The following TRDN variants were observed in gnomAD, a reference collection of about 807,000 sequenced individuals.
The protein encoded by TRDN is triadin.
TRDN carries 161 observed loss-of-function variants against 149.7 expected under a neutral mutation model. The observed-to-expected ratio is 1.08, with a 90% CI of 0.95 to 1.23. The LOEUF (loss-of-function observed/expected upper bound fraction) is 1.23. Among genes scored for constraint, TRDN ranks in the 50% most tolerant of loss-of-function variants. TRDN has a pLI of 0.00. For missense variants in TRDN, 896 were observed against 823.5 expected (o/e 1.09, Z -1.08); for synonymous variants, 294 against 250.5 (o/e 1.17, Z -1.64).
At chr6:123,346,810 C>G (rs9388229) in intron 21 of TRDN, among the ~76,000 whole-genome samples, 105,363 of 151,744 alleles carry the variant, frequency 0.69, 38,001 homozygotes, top group East Asian at 0.85. Flanking sequence ...GTGATGCAAC[C>G]ACATAGACAG....
chr6:123,630,564 A>T (rs1018723718), intron 1 of TRDN, among the ~76,000 whole-genome samples: 1 of 151,764 alleles, frequency 6.6e-6, no homozygotes, highest in Admixed American at 6.6e-5. Flanking sequence ...CATGAATTTT[A>T]AATTACAGTC....
At position 123,222,169 on chromosome 6, in the gene TRDN, T is replaced by C. The variant is rs138685766; in HGVS notation, c.2015-647A>G. ...GTTTTGGGGGTTTTTCTATAAAACA[T>C]TGAAATAATTAGAAGTTGTGAGAGA... On this transcript the variant is annotated intron_variant, in intron 39 of 40. Coordinates refer to ENST00000334268, the MANE Select transcript of TRDN (RefSeq NM_006073.4). Among the ~76,000 whole-genome samples, 110 of 151,706 alleles carry C rather than the reference T, an allele frequency of 7.3e-4. 1 individual carries two copies. Among genetic ancestry groups the C allele is most frequent in the East Asian group, 1.4e-3 (7 of 5,124 alleles).
intron 23 of TRDN, among the ~76,000 whole-genome samples, chr6:123,320,918 A>G (rs1201619253): frequency 6.6e-6 from 1 of 152,124 alleles, no homozygotes; most frequent in Non-Finnish European, 1.5e-5. Context: ...GAGCATTAAT[A>G]GAAAATGAAT....
chr6:123,425,798 A>G (rs753985633), intron 12 of TRDN, among the ~76,000 whole-genome samples: 5 of 152,048 alleles, frequency 3.3e-5, no homozygotes, highest in African/African-American at 1.2e-4. Flanking sequence ...TTAGCTGTAA[A>G]GGGGATCTGA....
intron 16 of TRDN, 121 bp from the exon 17 acceptor site, chr6:123,378,019 T>C (rs2114403623): frequency 3.2e-6 from 2 of 615,672 alleles, no homozygotes; most frequent in Non-Finnish European, 5.4e-6. Flanking sequence ...CAGCAACTAA[T>C]AATGGCTTAC....
intron 10 of TRDN, among the ~76,000 whole-genome samples, chr6:123,454,462 TGAGCTTGTATGCACTA>T (rs1775982515): frequency 6.6e-6 from 1 of 152,194 alleles, no homozygotes; most frequent in African/African-American, 2.4e-5. Context: ...ATAAAGCACA[TGAGCTTGTATGCACTA>T]GAATATACTT....
At chr6:123,507,721 G>T (rs924270297) in intron 7 of TRDN, among the ~76,000 whole-genome samples, 1 of 152,018 alleles carries the variant, frequency 6.6e-6, no homozygotes, top group Non-Finnish European at 1.5e-5. Flanking sequence ...ATTTAGGAAG[G>T]CATTTTATTC....
chr6:123,522,216 C>T (rs1004780639), intron 5 of TRDN, among the ~76,000 whole-genome samples: 60 of 152,184 alleles, frequency 3.9e-4, no homozygotes, highest in African/African-American at 1.3e-3. Context: ...ACTGTTCTGC[C>T]GCCTACCGGG....
At chr6:123,399,891 A>T (rs1170771943) in intron 12 of TRDN, among the ~76,000 whole-genome samples, 3 of 152,112 alleles carry the variant, frequency 2.0e-5, no homozygotes, top group African/African-American at 7.2e-5. Context: ...TCTGACCAAC[A>T]AATTGGAATG....
chr6:123,386,592 A>G (rs1241550883), intron 14 of TRDN, among the ~76,000 whole-genome samples: 1 of 152,164 alleles, frequency 6.6e-6, no homozygotes, highest in Non-Finnish European at 1.5e-5. Flanking sequence ...AGGCTTGTAA[A>G]GACCTGCTGT....
chr6:123,223,233 T>A (rs2114502721), intron 39 of TRDN, among the ~76,000 whole-genome samples: 1 of 151,664 alleles, frequency 6.6e-6, no homozygotes, highest in African/African-American at 2.4e-5. Context: ...GGGAGCTAAA[T>A]AATGAGAAAA....
chr6:123,474,852 T>A (rs367698165), intron 9 of TRDN, among the ~76,000 whole-genome samples: 5 of 151,766 alleles, frequency 3.3e-5, no homozygotes, highest in African/African-American at 9.7e-5. Flanking sequence ...ATGAAGGCAG[T>A]AATAAAGATG....
chr6:123,306,420 T>C (rs141692259), intron 24 of TRDN, among the ~76,000 whole-genome samples: 1 of 152,148 alleles, frequency 6.6e-6, no homozygotes, highest in East Asian at 1.9e-4. Flanking sequence ...AGGGGGGAAA[T>C]GTGAAAGCTG....
intron 20 of TRDN, among the ~76,000 whole-genome samples, chr6:123,361,086 G>T (rs894444914): frequency 6.6e-6 from 1 of 151,958 alleles, no homozygotes; most frequent in Non-Finnish European, 1.5e-5. Flanking sequence ...AATCCTTTAG[G>T]TATATATACC....
chr6:123,460,237 A>G (rs770747828), intron 10 of TRDN, among the ~76,000 whole-genome samples: 2 of 152,178 alleles, frequency 1.3e-5, no homozygotes, highest in Non-Finnish European at 2.9e-5. Context: ...ATTATATTAG[A>G]GTTTTATGTA....
chr6:123,371,518 T>C (rs1411025053), intron 19 of TRDN, among the ~76,000 whole-genome samples: 1 of 152,224 alleles, frequency 6.6e-6, no homozygotes, highest in Non-Finnish European at 1.5e-5. Flanking sequence ...CCATGCTTTA[T>C]AGTGCCATGT....
At chr6:123,354,066 A>T (rs1163602058) in intron 20 of TRDN, among the ~76,000 whole-genome samples, 4 of 151,818 alleles carry the variant, frequency 2.6e-5, no homozygotes, top group Non-Finnish European at 5.9e-5. Flanking sequence ...GTCCCAAGAT[A>T]TTCCTGAGGT....
chr6:123,584,789 A>C (rs576694868), intron 1 of TRDN, among the ~76,000 whole-genome samples: 2 of 152,312 alleles, frequency 1.3e-5, no homozygotes, highest in Admixed American at 1.3e-4. Context: ...GATCCAGAAC[A>C]GAATAATGGA....
intron 5 of TRDN, chr6:123,528,998 A>T: frequency 7.7e-7 from 1 of 1,303,586 alleles, no homozygotes; most frequent in Non-Finnish European, 9.8e-7. Flanking sequence ...TCACTGTCTT[A>T]ATTATGGAAG....
Sources: allele counts gnomAD v4.1 joint callset (sites outside exome capture counted in the v4.1 genomes callset), GRCh38; gene constraint gnomAD v4.1.1; transcripts MANE v1.5; gene names NCBI Gene and HGNC (gene_info 2026-07-23, HGNC 2026-07-21).